The following NPY2R variants were observed in gnomAD, a reference collection of about 807,000 sequenced individuals.
NPY2R encodes the protein neuropeptide Y receptor type 2.
Under a neutral mutation model 22.3 loss-of-function variants are expected in NPY2R, and 17 were observed. The ratio of observed to expected loss-of-function variants is 0.76; its 90% CI spans 0.52 to 1.14. The LOEUF is 1.14. Among genes scored for constraint, NPY2R ranks in the 50% most tolerant of loss-of-function variants. The probability of loss-of-function intolerance (pLI) is 0.00; values close to 1 mark genes in which losing one functional copy is unlikely to be tolerated. For synonymous variants in NPY2R, 209 were observed against 183.4 expected, an observed-to-expected ratio of 1.14 and a Z score of -1.13; for missense variants, 424 against 467.9, an observed-to-expected ratio of 0.91 and a Z score of 0.87.
the NPY2R span, among the ~76,000 whole-genome samples, chr4:155,189,522 ATC>A: frequency 2.6e-5 from 4 of 152,034 alleles, no homozygotes; most frequent in African/African-American, 4.8e-5. Flanking sequence ...TTTAAAATGT[ATC>A]TCTTGTCCAG....
the NPY2R span, among the ~76,000 whole-genome samples, chr4:155,175,473 A>C: frequency 6.6e-6 from 1 of 152,130 alleles, no homozygotes; most frequent in African/African-American, 2.4e-5. Context: ...TTCAATATCC[A>C]AATCTTAGCC....
the NPY2R span, among the ~76,000 whole-genome samples, chr4:155,200,971 G>A: frequency 1.3e-5 from 2 of 151,928 alleles, no homozygotes; most frequent in Non-Finnish European, 2.9e-5. Context: ...GTGTACCTAC[G>A]TAACAAACCT....
chr4:155,210,764 G>C (rs1342650277), intron 1 of NPY2R, among the ~76,000 whole-genome samples: 1 of 152,128 alleles, frequency 6.6e-6, no homozygotes, highest in African/African-American at 2.4e-5. Context: ...AAACTCTCAT[G>C]TCTCTCTGTA....
At chr4:155,180,902 G>A in the NPY2R span, among the ~76,000 whole-genome samples, 1,644 of 151,548 alleles carry the variant, frequency 0.011, 35 homozygotes, top group African/African-American at 0.038. Flanking sequence ...CTATACATTC[G>A]AACTGATGAA....
At chr4:155,177,831 G>A in the NPY2R span, among the ~76,000 whole-genome samples, 1 of 151,946 alleles carries the variant, frequency 6.6e-6, no homozygotes, top group Non-Finnish European at 1.5e-5. Context: ...GCCACACCTA[G>A]GTCTGCTTGA....
the NPY2R span, among the ~76,000 whole-genome samples, chr4:155,192,256 G>C: frequency 6.6e-6 from 1 of 151,922 alleles, no homozygotes; most frequent in East Asian, 1.9e-4. Context: ...GTAACCTGTG[G>C]TTTTATATTT....
chr4:155,183,998 A>G, the NPY2R span, among the ~76,000 whole-genome samples: 3 of 152,202 alleles, frequency 2.0e-5, no homozygotes, highest in Non-Finnish European at 2.9e-5. Context: ...AAATGTGTCC[A>G]TGTCACCCTT....
At chr4:155,194,122 AC>A in the NPY2R span, among the ~76,000 whole-genome samples, 1 of 150,180 alleles carries the variant, frequency 6.7e-6, no homozygotes, top group African/African-American at 2.4e-5. Flanking sequence ...CTGTATCTCG[AC>A]AAAGCTAGAA....
At position 155,214,688 on chromosome 4, in the gene NPY2R, T is replaced by G; in HGVS notation, c.749T>G (p.Val250Gly). ...ATTTGGAGTAAATTGAAGAACCATG[T>G]CAGTCCTGGAGCTGCAAATGACCAC... ...TRIWSKLKNHVSPGAANDHYH... is the reference protein window; with the variant it reads ...TRIWSKLKNHGSPGAANDHYH... The change falls in exon 2 of 2, where the codon GTC becomes GGC. Residue 250 changes from valine to glycine, a missense_variant. Coordinates refer to ENST00000329476, the MANE Select transcript of NPY2R (RefSeq NM_000910.4). 1 of 1,614,220 alleles carries G rather than the reference T, an allele frequency of 6.2e-7. No homozygotes were observed. Among genetic ancestry groups the G allele is most frequent in the Non-Finnish European group, 8.5e-7 (1 of 1,180,038 alleles).
the NPY2R span, among the ~76,000 whole-genome samples, chr4:155,181,047 G>T: frequency 6.6e-6 from 1 of 152,082 alleles, no homozygotes; most frequent in Non-Finnish European, 1.5e-5. Flanking sequence ...TGTATTACTA[G>T]AAAAGTCAGA....
upstream of NPY2R, among the ~76,000 whole-genome samples, chr4:155,204,690 T>C (rs186723330): frequency 7.2e-5 from 11 of 152,220 alleles, no homozygotes; most frequent in East Asian, 1.9e-3. Flanking sequence ...AATGGAAATA[T>C]GTTTTTGACA....
Position 155,214,053 on chromosome 4 carries a change from A to C in NPY2R, c.114A>C (p.Pro38=). The change falls in exon 2 of 2, where the codon CCA becomes CCC. Residue 38 remains proline (P), a synonymous_variant. Coordinates refer to ENST00000329476, the MANE Select transcript of NPY2R (RefSeq NM_000910.4). ...GTGAACTGGTCCCTGACCCTGAGCC[A>C]GAGCTTATAGATAGTACCAAGCTGA... ...PRGELVPDPE[P]ELIDSTKLIE... is the part of the protein sequence containing the mutation. 1.2e-6 allele frequency: 2 copies of C among 1,613,698 alleles called. No homozygotes were observed. Among genetic ancestry groups the C allele is most frequent in the African/African-American group, 1.3e-5 (1 of 75,028 alleles).
Position 155,215,277 on chromosome 4 carries a change from G to T in NPY2R, c.*192G>T. 1 of 675,232 alleles carries T rather than the reference G, an allele frequency of 1.5e-6. No individual in the cohort carries two copies. The highest frequency in any genetic ancestry group is 2.7e-6 in the Non-Finnish European group (1 of 371,536). 41.8% of individuals were successfully genotyped at this position (675,232 alleles called of 1,614,324 possible). On this transcript the variant is annotated 3_prime_UTR_variant, in exon 2 of 2. Transcript: ENST00000329476. ...GAAAATACTGGAATTCAAAGATAAG[G>T]CAACAAAATGGTTTACTTAACAGTT...
the NPY2R span, among the ~76,000 whole-genome samples, chr4:155,174,486 T>TATATATATATATATATATATATA: frequency 2.0e-3 from 136 of 68,578 alleles, 1 homozygote; most frequent in African/African-American, 0.011. Context: ...ATATATATAT[T>TATATATATATATATATATATATA]TTTTTTTTTA....
the NPY2R span, among the ~76,000 whole-genome samples, chr4:155,189,289 C>A: frequency 6.4e-3 from 966 of 152,080 alleles, 16 homozygotes; most frequent in African/African-American, 0.022. Flanking sequence ...TCAGTATAAT[C>A]TTTTACCATT....
the NPY2R span, among the ~76,000 whole-genome samples, chr4:155,203,025 C>T: frequency 2.6e-5 from 4 of 151,898 alleles, no homozygotes; most frequent in Admixed American, 6.6e-5. Context: ...ATTTAAATAC[C>T]CTTTTAGATT....
At chr4:155,210,158 A>C (rs191633362) in intron 1 of NPY2R, among the ~76,000 whole-genome samples, 202 of 152,192 alleles carry the variant, frequency 1.3e-3, no homozygotes, top group Non-Finnish European at 2.1e-3. Flanking sequence ...TTTGATGGCA[A>C]CTTCCTCTGT....
the NPY2R span, among the ~76,000 whole-genome samples, chr4:155,177,816 C>G: frequency 6.6e-6 from 1 of 152,098 alleles, no homozygotes; most frequent in Non-Finnish European, 1.5e-5. Context: ...AGAGCAGCAG[C>G]CTTAGCCACA....
chr4:155,200,464 A>C, the NPY2R span, among the ~76,000 whole-genome samples: 1 of 152,192 alleles, frequency 6.6e-6, no homozygotes, highest in African/African-American at 2.4e-5. Flanking sequence ...AAGGATCTAG[A>C]ACCAGAAATA....
Sources: allele counts gnomAD v4.1 joint callset (sites outside exome capture counted in the v4.1 genomes callset), GRCh38; gene constraint gnomAD v4.1.1; transcripts MANE v1.5; gene names NCBI Gene and HGNC (gene_info 2026-07-23, HGNC 2026-07-21).